ABCB5: variants seen among roughly 807,000 people sequenced by gnomAD.
ABCB5 encodes the protein ATP binding cassette subfamily B member 5, also known as ATP-binding cassette sub-family B member 5.
In ABCB5, 155 loss-of-function variants were observed where a neutral mutation model predicts 144.2. That is an observed-to-expected ratio of 1.08 (90% confidence interval 0.94 to 1.23). The LOEUF (loss-of-function observed/expected upper bound fraction) is 1.23, where lower values mean the gene tolerates loss of function less well. ABCB5 is among the 50% of genes most tolerant of loss of function. ABCB5 has a pLI of 0.00. For synonymous variants in ABCB5, 610 were observed against 528.6 expected (o/e 1.15, Z -2.11); for missense variants, 1,830 against 1,520.8 (o/e 1.20, Z -3.38).
chr7:20,659,485 C>T (rs927554569), intron 14 of ABCB5: 42 of 1,050,864 alleles, frequency 4.0e-5, no homozygotes, highest in Non-Finnish European at 4.7e-5. Flanking sequence ...TAAATGTCCA[C>T]TGCTTCTTGA....
chr7:20,753,370 C>T lies in ABCB5; in HGVS notation c.3440C>T (p.Thr1147Ile). The T allele has an allele frequency of 6.2e-7, 1 of 1,612,552 alleles. No homozygotes were observed. The highest frequency in any genetic ancestry group is 8.5e-7 in the Non-Finnish European group (1 of 1,179,166). The change falls in exon 27 of 28, where the codon ACA (threonine) becomes ATA (isoleucine). Residue 1147 changes from threonine to isoleucine, a missense_variant. By Grantham distance (89) the Thr-to-Ile change is moderately conservative (BLOSUM62 -1). Transcript: ENST00000404938. ...ATGCTCCTGTGATAGAAATACAACA[C>T]ACAAGTTGGACTGAAAGGAGCACAG... ...FIEGLPEKYN[T>I]QVGLKGAQLS... is the part of the protein sequence containing the mutation.
intron 21 of ABCB5, 103 bp downstream of exon 21, chr7:20,723,322 A>G (rs755283521): frequency 1.6e-5 from 19 of 1,164,660 alleles, no homozygotes; most frequent in Admixed American, 1.4e-4. Context: ...TTTATGATAT[A>G]TTAACTTCAT....
At chr7:20,653,238 A>C (rs369868027) in intron 13 of ABCB5, among the ~76,000 whole-genome samples, 38 of 152,358 alleles carry the variant, frequency 2.5e-4, no homozygotes, top group African/African-American at 7.9e-4. Flanking sequence ...CTTGCTATAA[A>C]TCTAATAATA....
chr7:20,632,016 T>C, intron 4 of ABCB5, 43 bp from the exon 5 acceptor site: 1 of 1,326,474 alleles, frequency 7.5e-7, no homozygotes, highest in Non-Finnish European at 1.0e-6. Context: ...TGTGACCAAT[T>C]ATAAATTAAT....
At position 20,739,109 on chromosome 7, in the gene ABCB5, A is replaced by G. The variant is rs199900972; in HGVS notation, c.2994A>G (p.Ile998Met). Reference protein sequence around the residue: ...LFALLEKKPNIDSRSQEGKKP... With the variant: ...LFALLEKKPNMDSRSQEGKKP... ...CCTTGTTGGAAAAGAAACCAAATAT[A>G]GACAGCCGCAGTCAAGAAGGGAAAA... is the stretch of plus-strand genomic sequence containing the variant. The change falls in exon 24 of 28, where the codon ATA (isoleucine) becomes ATG (methionine). Residue 998 changes from isoleucine (I) to methionine (M), a missense_variant. Physicochemically the swap from Ile to Met is conservative, Grantham distance 10. Coordinates refer to ENST00000404938, the MANE Select transcript of ABCB5 (RefSeq NM_001163941.2). 3.1e-6 allele frequency: 5 copies of G among 1,606,826 alleles called. No individual in the cohort carries two copies. The highest frequency in any genetic ancestry group is 4.2e-6 in the Non-Finnish European group (5 of 1,176,804).
chr7:20,633,193 A>C (rs1445858183), intron 5 of ABCB5, among the ~76,000 whole-genome samples: 3 of 152,124 alleles, frequency 2.0e-5, no homozygotes, highest in Non-Finnish European at 4.4e-5. Flanking sequence ...AAAAATTGTA[A>C]AGTATGAATA....
chr7:20,678,902 C>G (rs950685146), intron 14 of ABCB5, among the ~76,000 whole-genome samples: 3 of 152,104 alleles, frequency 2.0e-5, no homozygotes, highest in African/African-American at 7.2e-5. Context: ...AATACGCTGC[C>G]GGGACACCTG....
At chr7:20,715,484 C>G (rs1014968826) in intron 20 of ABCB5, among the ~76,000 whole-genome samples, 1 of 152,124 alleles carries the variant, frequency 6.6e-6, no homozygotes, top group African/African-American at 2.4e-5. Flanking sequence ...GATCCTAGTT[C>G]ACTGCAACCT....
intron 20 of ABCB5, among the ~76,000 whole-genome samples, chr7:20,707,030 C>A (rs1786849017): frequency 6.6e-6 from 1 of 151,992 alleles, no homozygotes; most frequent in African/African-American, 2.4e-5. Context: ...CTTATTTGTC[C>A]ACAAATGAAT....
rs1027378123 is a variant in ABCB5 at position 20,698,508 on chromosome 7, T to C, written c.2112T>C (p.Thr704=). The C allele has an allele frequency of 1.2e-6, 2 of 1,602,504 alleles. No individual in the cohort carries two copies. The highest frequency in any genetic ancestry group is 1.7e-5 in the Admixed American group (1 of 57,294). ...LGTLASVLNG[T]VHPVFSIIFA... is the part of the protein sequence containing the mutation. ...CATTGGCTTCTGTTCTAAATGGAACTGTTCATCCAGTATTTTCCATCATCT... is the reference window on the plus strand; with the variant it reads ...CATTGGCTTCTGTTCTAAATGGAACCGTTCATCCAGTATTTTCCATCATCT... Residue 704 remains threonine (T), a synonymous_variant, in exon 17 of 28, where the codon ACT becomes ACC. Transcript: ENST00000404938.
At chr7:20,730,555 C>T (rs1782175889) in intron 23 of ABCB5, among the ~76,000 whole-genome samples, 1 of 152,294 alleles carries the variant, frequency 6.6e-6, no homozygotes, top group Admixed American at 6.5e-5. Flanking sequence ...GTTCCCTGTC[C>T]TATGTTCTCC....
intron 8 of ABCB5, 33 bp downstream of exon 8, chr7:20,645,913 G>C: frequency 6.2e-7 from 1 of 1,612,418 alleles, no homozygotes. Context: ...AGATATGCTT[G>C]GTTTTATTTT....
At position 20,658,506 on chromosome 7, in the gene ABCB5, A is replaced by C; in HGVS notation, c.1537A>C (p.Lys513Gln). 1 of 1,610,920 alleles carries C rather than the reference A, an allele frequency of 6.2e-7. No individual in the cohort carries two copies. Among genetic ancestry groups the C allele is most frequent in the Non-Finnish European group, 8.5e-7 (1 of 1,178,798 alleles). Reference sequence around the variant, plus strand: ...GTGCTTCTTTCCTATTTTTCATTAGAAATTTAATACATTGGTAGGGGAAAA... The same window carrying C: ...GTGCTTCTTTCCTATTTTTCATTAGCAATTTAATACATTGGTAGGGGAAAA... ...AYDFIMEFPN[K>Q]FNTLVGEKGA... The change falls in exon 14 of 28, where the codon AAA (lysine) becomes CAA (glutamine). Residue 513 changes from lysine (K) to glutamine (Q), a missense_variant and splice_region_variant. Transcript: ENST00000404938.
intron 5 of ABCB5, among the ~76,000 whole-genome samples, chr7:20,632,579 C>T (rs537671198): frequency 6.6e-6 from 1 of 152,066 alleles, no homozygotes; most frequent in South Asian, 2.1e-4. Flanking sequence ...TATTGCAGCA[C>T]TATTCACAAT....
intron 9 of ABCB5, among the ~76,000 whole-genome samples, chr7:20,646,759 A>G (rs1273051779): frequency 6.6e-6 from 1 of 152,214 alleles, no homozygotes; most frequent in East Asian, 1.9e-4. Flanking sequence ...TCTGCTCTTT[A>G]TACTTTGATC....
intron 14 of ABCB5, among the ~76,000 whole-genome samples, chr7:20,663,479 A>G (rs1785069203): frequency 6.6e-6 from 1 of 152,196 alleles, no homozygotes; most frequent in African/African-American, 2.4e-5. Flanking sequence ...GTGAAATAAA[A>G]CTGACAAAAA....
chr7:20,710,389 G>T (rs1432275292), intron 20 of ABCB5, among the ~76,000 whole-genome samples: 1 of 118,868 alleles, frequency 8.4e-6, no homozygotes, highest in Non-Finnish European at 1.8e-5. Flanking sequence ...AAAGTGGGGG[G>T]GGGGCATGAC....
At chr7:20,692,615 T>C (rs1786268939) in intron 16 of ABCB5, among the ~76,000 whole-genome samples, 1 of 151,890 alleles carries the variant, frequency 6.6e-6, no homozygotes, top group Non-Finnish European at 1.5e-5. Context: ...ATTTACATTT[T>C]TGATATGTTT....
chr7:20,620,115 G>C (rs1783778305), intron 1 of ABCB5, among the ~76,000 whole-genome samples: 1 of 152,122 alleles, frequency 6.6e-6, no homozygotes. Context: ...GATGTGTTTA[G>C]CTTTGTTCTT....
Sources: allele counts gnomAD v4.1 joint callset (sites outside exome capture counted in the v4.1 genomes callset), GRCh38; gene constraint gnomAD v4.1.1; transcripts MANE v1.5; gene names NCBI Gene and HGNC (gene_info 2026-07-23, HGNC 2026-07-21).